The following AIPL1 variants were observed in gnomAD, a reference collection of about 807,000 sequenced individuals.
AIPL1 encodes aryl-hydrocarbon-interacting protein-like 1.
A neutral mutation model predicts 32.9 loss-of-function variants in AIPL1; 23 were observed. That is an observed-to-expected ratio of 0.70 (90% CI 0.50 to 0.99). The LOEUF is 0.99. Ranked by LOEUF, AIPL1 falls within the 50% of genes least tolerant of loss-of-function variation. The pLI, the probability that AIPL1 is intolerant of heterozygous loss-of-function variation, is 0.00. For missense variants in AIPL1, 485 were observed against 506.0 expected (o/e 0.96, Z 0.40); for synonymous variants, 210 against 209.4 (o/e 1.00, Z -0.02).
intron 2 of AIPL1, among the ~76,000 whole-genome samples, chr17:6,432,382 AAAG>A (rs1343487067): frequency 1.3e-5 from 2 of 151,892 alleles, no homozygotes; most frequent in African/African-American, 2.4e-5. Context: ...TCAAAAAAAA[AAAG>A]AAAGAAAGAA....
chr17:6,425,236 G>T lies in AIPL1; in HGVS notation c.*224C>A. On this transcript the variant is annotated 3_prime_UTR_variant, in exon 6 of 6. Coordinates refer to ENST00000381129, the MANE Select transcript of AIPL1 (RefSeq NM_014336.5). ...AAAAACAGGGTCAATTAAAACCATG[G>T]CACGGAAGGAATGAGAGGGGTAGAG... The T allele has an allele frequency of 2.1e-6, 1 of 474,172 alleles. No homozygotes were observed. Among genetic ancestry groups the T allele is most frequent in the Non-Finnish European group, 3.6e-6 (1 of 278,482 alleles). 29.4% of individuals were successfully genotyped at this position (474,172 alleles called of 1,614,324 possible).
intron 2 of AIPL1, among the ~76,000 whole-genome samples, chr17:6,433,152 C>T (rs961022896): frequency 3.3e-5 from 5 of 152,172 alleles, no homozygotes; most frequent in Admixed American, 3.3e-4. Context: ...TGAGTTTTGC[C>T]ATAAGGCAAG....
In AIPL1 at chr17:6,425,518, G is replaced by C; in HGVS notation, c.1097C>G (p.Pro366Arg). The change falls in exon 6 of 6, where the codon CCC (proline) becomes CGC (arginine). Residue 366 changes from proline (P) to arginine (R), a missense_variant. Pro to Arg is a moderately radical substitution (Grantham distance 103). Coordinates refer to ENST00000381129, the MANE Select transcript of AIPL1 (RefSeq NM_014336.5). ...TGGCTCTGTGGCTGGCTCTGCAGGG[G>C]GCCCTGCGGACAGCTCTGCAGATGG... ...TAPSAELSAG[P>R]PAEPATEPPP... 1 of 1,610,890 alleles carries C rather than the reference G, an allele frequency of 6.2e-7. No individual in the cohort carries two copies. The highest frequency in any genetic ancestry group is 8.5e-7 in the Non-Finnish European group (1 of 1,179,532).
rs748707693 is a variant in AIPL1 at position 6,425,619 on chromosome 17, C to A, written c.996G>T (p.Thr332=). ...RCRNMLSQGA[T]QPPAEPPTEP... Reference sequence around the variant, plus strand: ...CTGTGGGTGGCTCTGCGGGAGGCTGCGTGGCACCCTGGCTCAGCATGTTCC... The same window carrying A: ...CTGTGGGTGGCTCTGCGGGAGGCTGAGTGGCACCCTGGCTCAGCATGTTCC... The change falls in exon 6 of 6, where the codon ACG becomes ACT. Residue 332 remains threonine, a synonymous_variant. Transcript: ENST00000381129. 1 of 1,613,028 alleles carries A rather than the reference C, an allele frequency of 6.2e-7. No homozygotes were observed. The highest frequency in any genetic ancestry group is 1.1e-5 in the South Asian group (1 of 91,076).
intron 2 of AIPL1, among the ~76,000 whole-genome samples, chr17:6,433,690 T>A (rs1912855802): frequency 2.1e-5 from 3 of 145,878 alleles, no homozygotes; most frequent in Non-Finnish European, 3.0e-5. Context: ...AGCTCACTCC[T>A]GCTGGTCATA....
intron 2 of AIPL1, among the ~76,000 whole-genome samples, chr17:6,432,155 C>T (rs1251601634): frequency 4.6e-5 from 7 of 152,070 alleles, no homozygotes; most frequent in East Asian, 1.9e-4. Flanking sequence ...GAGGCAGAGG[C>T]GGGCGGATCA....
At position 6,425,312 on chromosome 17, in the gene AIPL1, T is replaced by TTG. The variant is rs1911800473; in HGVS notation, c.*147_*148insCA. 1.1e-6 allele frequency: 1 copy of TTG among 928,912 alleles called. No homozygotes were observed. The highest frequency in any genetic ancestry group is 1.8e-5 in the African/African-American group (1 of 56,114). The allele number at this position is 928,912 out of a possible 1,614,324, so 57.5% of individuals were successfully genotyped here. On this transcript the variant is annotated 3_prime_UTR_variant, in exon 6 of 6. Transcript: ENST00000381129. ...TCTTCTGTACCCTTGGGATTGTTTT[T>TTG]TTTTTTTTTTTTACCATGGGTGTGT...
At chr17:6,426,131 A>T (rs562388834) in intron 5 of AIPL1, 16 of 1,322,912 alleles carry the variant, frequency 1.2e-5, no homozygotes, top group African/African-American at 1.5e-5. Context: ...CACCTCCCTC[A>T]TATGGTGATT....
At chr17:6,429,309 C>T (rs145836846) in intron 2 of AIPL1, among the ~76,000 whole-genome samples, 1 of 152,312 alleles carries the variant, frequency 6.6e-6, no homozygotes, top group Non-Finnish European at 1.5e-5. Context: ...CAGCACTGGC[C>T]CCACATGCAA....
chr17:6,434,849 T>G (rs1913014883), intron 1 of AIPL1, 160 bp downstream of exon 1: 2 of 1,343,500 alleles, frequency 1.5e-6, no homozygotes, highest in South Asian at 1.5e-5. Flanking sequence ...AAATGCCCCC[T>G]GAATGGGTAA....
At chr17:6,428,604 T>C (rs1912250456) in intron 2 of AIPL1, 98 bp from the exon 3 acceptor site, 2 of 1,171,432 alleles carry the variant, frequency 1.7e-6, no homozygotes, top group Non-Finnish European at 2.5e-6. Context: ...GGAGGAATCC[T>C]GCTCCCTCAC....
rs1365767365 is a variant in AIPL1 at position 6,424,910 on chromosome 17, CT to C, written c.*549del. The C allele has an allele frequency of 6.6e-6, 1 of 152,420 alleles. No individual in the cohort carries two copies. Among genetic ancestry groups the C allele is most frequent in the Admixed American group, 6.5e-5 (1 of 15,288 alleles). 9.4% of individuals were successfully genotyped at this position (152,420 alleles called of 1,614,324 possible). On this transcript the variant is annotated 3_prime_UTR_variant, in exon 6 of 6. Transcript: ENST00000381129. ...TACCACTGGCGCTTGCCTTTGAAATCTTTCCTGGGGGAGGCCAAGAACCCTC... is the reference window on the plus strand; with the variant it reads ...TACCACTGGCGCTTGCCTTTGAAATCTTCCTGGGGGAGGCCAAGAACCCTC...
Position 6,435,081 on chromosome 17 carries a change from G to A in AIPL1, c.24C>T (p.Asn8=). The A allele has an allele frequency of 3.1e-6, 5 of 1,614,172 alleles. No individual in the cohort carries two copies. The highest frequency in any genetic ancestry group is 1.7e-6 in the Non-Finnish European group (2 of 1,180,032). Residue 8 remains asparagine (N), a synonymous_variant, in exon 1 of 6, where the codon AAC becomes AAT. Transcript: ENST00000381129. MDAALLL[N]VEGVKKTILH... is the part of the protein sequence containing the mutation. The stretch of plus-strand genomic sequence containing the variant: ...GAATGGTTTTCTTGACCCCTTCCAC[G>A]TTCAGGAGCAGAGCGGCATCCATGG...
rs1384996887 is a variant in AIPL1, at chr17:6,433,942, C to A, written c.253G>T (p.Ala85Ser). The change falls in exon 2 of 6, where the codon GCC becomes TCC. Residue 85 changes from alanine to serine, a missense_variant. Coordinates refer to ENST00000381129, the MANE Select transcript of AIPL1 (RefSeq NM_014336.5). ...ACGATGGTGTCGCACCAGAACTCGG[C>A]CACCTCGTGCACCCGCATGGAGGTA... is the stretch of plus-strand genomic sequence containing the variant. ...LLTSMRVHEV[A>S]EFWCDTIHTG... 6.2e-7 allele frequency: 1 copy of A among 1,610,622 alleles called. No homozygotes were observed. The highest frequency in any genetic ancestry group is 1.7e-5 in the Admixed American group (1 of 59,832).
rs566685601 is a variant in AIPL1, at chr17:6,425,801, G to A, written c.814C>T (p.Arg272Trp). The A allele has an allele frequency of 3.7e-6, 6 of 1,605,328 alleles. No homozygotes were observed. The highest frequency in any genetic ancestry group is 3.3e-5 in the Admixed American group (2 of 60,016). ...GIVKAYYVRA[R>W]AHAEVWNEAE... ...TCATTCCACACCTCTGCGTGAGCCCGGGCACGCACGTAGTAGGCCTTCACG... is the reference window on the plus strand; with the variant it reads ...TCATTCCACACCTCTGCGTGAGCCCAGGCACGCACGTAGTAGGCCTTCACG... The change falls in exon 6 of 6, where the codon CGG becomes TGG. Residue 272 changes from arginine to tryptophan, a missense_variant. Physicochemically the swap from Arg to Trp is moderately radical, Grantham distance 101. Transcript: ENST00000381129.
intron 3 of AIPL1, 124 bp downstream of exon 3, chr17:6,428,194 T>C: frequency 9.2e-7 from 1 of 1,090,516 alleles, no homozygotes. Context: ...TTATGAACCC[T>C]CTCGTATTAT....
chr17:6,425,830 C>A lies in AIPL1; in HGVS notation c.785G>T (p.Gly262Val), dbSNP rs201428885. Residue 262 changes from glycine (G) to valine (V), a missense_variant and splice_region_variant, in exon 6 of 6, where the codon GGC (glycine) becomes GTC (valine). Coordinates refer to ENST00000381129, the MANE Select transcript of AIPL1 (RefSeq NM_014336.5). ...ACGCACGTAGTAGGCCTTCACGATG[C>A]CTGTGGGGAGCAGGGAGCATCCAGC... ...HTSDILRHHP[G>V]IVKAYYVRAR... 8 of 1,602,836 alleles carry A rather than the reference C, an allele frequency of 5.0e-6. No homozygotes were observed. Among genetic ancestry groups the A allele is most frequent in the Non-Finnish European group, 6.8e-6 (8 of 1,179,386 alleles).
At chr17:6,426,557 G>A (rs780439851) in intron 5 of AIPL1, 58 bp downstream of exon 5, 10 of 1,583,144 alleles carry the variant, frequency 6.3e-6, no homozygotes, top group Middle Eastern at 1.9e-4. Flanking sequence ...TATGGCAGGT[G>A]TCTCCGTGGC....
chr17:6,432,389 G>T (rs1597337686), intron 2 of AIPL1, among the ~76,000 whole-genome samples: 1 of 151,130 alleles, frequency 6.6e-6, no homozygotes, highest in South Asian at 2.1e-4. Context: ...AAAAAAGAAA[G>T]AAAGAAAAGA....
Sources: gnomAD v4.1 joint callset for allele counts (sites outside exome capture counted in the v4.1 genomes callset) on GRCh38, gnomAD v4.1.1 for gene constraint, MANE v1.5 for transcripts, NCBI Gene and HGNC (gene_info 2026-07-23, HGNC 2026-07-21) for gene names.